The following SLCO3A1 variants were observed in gnomAD, a reference collection of about 807,000 sequenced individuals.
SLCO3A1 encodes the protein PGE1 transporter.
In SLCO3A1, 27 loss-of-function variants were observed where a neutral mutation model predicts 63.1. The ratio of observed to expected loss-of-function variants is 0.43; its 90% confidence interval spans 0.32 to 0.59. The LOEUF (loss-of-function observed/expected upper bound fraction) is 0.59, where lower values mean the gene tolerates loss of function less well. Ranked by LOEUF, SLCO3A1 falls within the 20% of genes least tolerant of loss-of-function variation. The pLI is 0.09. For missense variants in SLCO3A1, 773 were observed against 945.8 expected, an observed-to-expected ratio of 0.82 and a Z score of 2.40; for synonymous variants, 473 against 409.9, an observed-to-expected ratio of 1.15 and a Z score of -1.86.
intron 2 of SLCO3A1, among the ~76,000 whole-genome samples, chr15:92,078,470 C>T (rs1596080316): frequency 6.6e-6 from 1 of 152,232 alleles, no homozygotes; most frequent in South Asian, 2.1e-4. Context: ...GGCGCACCTC[C>T]GCGGGCAGCT....
At chr15:91,924,034 G>T (rs570378416) in intron 2 of SLCO3A1, among the ~76,000 whole-genome samples, 13 of 152,226 alleles carry the variant, frequency 8.5e-5, no homozygotes, top group Non-Finnish European at 1.8e-4. Context: ...CAGCCCCCTG[G>T]CCCTGCGGTG....
intron 2 of SLCO3A1, among the ~76,000 whole-genome samples, chr15:92,038,020 A>G (rs867357690): frequency 2.4e-4 from 37 of 152,330 alleles, no homozygotes; most frequent in African/African-American, 8.2e-4. Context: ...TGTGCTCCTT[A>G]CTAAAATGAT....
chr15:91,902,428 A>G (rs9972366), intron 1 of SLCO3A1, among the ~76,000 whole-genome samples: 45,327 of 151,492 alleles, frequency 0.3, 7,844 homozygotes, highest in East Asian at 0.7. Flanking sequence ...TCCGTTTAAA[A>G]TTCTGTTTAG....
rs1200586982 is a variant in SLCO3A1 at position 91,966,115 on chromosome 15, C to G, written c.646+49657C>G. 3.3e-5 allele frequency among the ~76,000 whole-genome samples: 5 copies of G among 152,166 alleles called. No homozygotes were observed. In the East Asian group the frequency reaches 5.8e-4, roughly 18 times the overall value. ...TGTGCCCAGCGAATTATGGGCAGCT[C>G]TGATCTGAAGTAACAAGGTTGAGTC... is the stretch of plus-strand genomic sequence containing the variant. On this transcript the variant is annotated intron_variant, in intron 2 of 9. Coordinates refer to ENST00000318445, the MANE Select transcript of SLCO3A1 (RefSeq NM_013272.4).
chr15:92,026,366 T>C (rs1051013416), intron 2 of SLCO3A1, among the ~76,000 whole-genome samples: 5 of 152,228 alleles, frequency 3.3e-5, no homozygotes, highest in African/African-American at 9.6e-5. Context: ...AAGAAGTTTC[T>C]CACTAAGGAG....
Position 91,885,509 on chromosome 15 carries a change from G to T in SLCO3A1, c.181-30484G>T, listed in dbSNP as rs1231124106. Among the ~76,000 whole-genome samples the T allele has an allele frequency of 2.0e-5, 3 of 152,218 alleles. No individual in the cohort carries two copies. Among genetic ancestry groups the T allele is most frequent in the African/African-American group, 4.8e-5 (2 of 41,460 alleles). On this transcript the variant is annotated intron_variant, in intron 1 of 9. Coordinates refer to ENST00000318445, the MANE Select transcript of SLCO3A1 (RefSeq NM_013272.4). This position sits in a 1 kb window ranked among gnomAD's most constrained non-coding sequence, Gnocchi z 4.7. Reference sequence around the variant, plus strand: ...TCACAAATCATACATTACAGGAAAAGGGAGCCCTTTGCTGCTGGGCAGCGG... The same window carrying T: ...TCACAAATCATACATTACAGGAAAATGGAGCCCTTTGCTGCTGGGCAGCGG...
At chr15:91,895,707 A>G (rs1234899275) in intron 1 of SLCO3A1, among the ~76,000 whole-genome samples, 1 of 152,222 alleles carries the variant, frequency 6.6e-6, no homozygotes, top group Non-Finnish European at 1.5e-5. Flanking sequence ...GACTTCCTCC[A>G]GCCTAAACAC....
intron 2 of SLCO3A1, among the ~76,000 whole-genome samples, chr15:91,963,703 G>A (rs1015488939): frequency 1.3e-5 from 2 of 152,046 alleles, no homozygotes; most frequent in Non-Finnish European, 2.9e-5. Flanking sequence ...GATGTGTCAG[G>A]AGTTTCTTCC....
At chr15:91,914,567 CTTT>C (rs556314311) in intron 1 of SLCO3A1, among the ~76,000 whole-genome samples, 9 of 122,262 alleles carry the variant, frequency 7.4e-5, no homozygotes, top group Admixed American at 9.0e-5. Context: ...TATTTTCTTC[CTTT>C]TTTTTTTTTT....
rs80007424 is a variant in SLCO3A1, at chr15:92,126,740, G to A, written c.1373+481G>A. On this transcript the variant is annotated intron_variant, in intron 6 of 9. Coordinates refer to ENST00000318445, the MANE Select transcript of SLCO3A1 (RefSeq NM_013272.4). The stretch of plus-strand genomic sequence containing the variant: ...AAAAGGGAGGGAGGAAGAGAAGGAA[G>A]TTAGTTCTCATAGGACCACTTTTCT... Among the ~76,000 whole-genome samples, 1,416 of 152,290 alleles carry A rather than the reference G, an allele frequency of 9.3e-3. 12 individuals are homozygous for A. The highest frequency in any genetic ancestry group is 0.016 in the Non-Finnish European group (1,084 of 68,016).
At chr15:91,945,195 A>T (rs1225772274) in intron 2 of SLCO3A1, among the ~76,000 whole-genome samples, 2 of 152,084 alleles carry the variant, frequency 1.3e-5, no homozygotes, top group Non-Finnish European at 2.9e-5. Flanking sequence ...TACAAAAATT[A>T]GCTGGGCATG....
chr15:92,110,993 C>T (rs1435267133), intron 4 of SLCO3A1, among the ~76,000 whole-genome samples: 1 of 152,176 alleles, frequency 6.6e-6, no homozygotes, highest in African/African-American at 2.4e-5. Context: ...GATGTGCCAG[C>T]CCTGGTGCCA....
intron 2 of SLCO3A1, among the ~76,000 whole-genome samples, chr15:92,065,899 G>GA (rs1233825439): frequency 2.0e-5 from 3 of 152,128 alleles, no homozygotes; most frequent in Non-Finnish European, 4.4e-5. Flanking sequence ...AAGTTTAAAA[G>GA]AAAAAAGGTT....
At position 91,865,310 on chromosome 15, in the gene SLCO3A1, T is replaced by C. The variant is rs2141846046; in HGVS notation, c.180+11222T>C. Among the ~76,000 whole-genome samples, 1 of 152,278 alleles carries C rather than the reference T, an allele frequency of 6.6e-6. No homozygotes were observed. Among genetic ancestry groups the C allele is most frequent in the South Asian group, 2.1e-4 (1 of 4,824 alleles). ...CAATATCTCAGATGCTAGACCAAAA[T>C]TGGGTCATATTATAAGTGAGAAAGT... On this transcript the variant is annotated intron_variant, in intron 1 of 9. Transcript: ENST00000318445. This position sits in a 1 kb window ranked among gnomAD's most constrained non-coding sequence, Gnocchi z 4.6.
chr15:91,877,719 G>A (rs548488711), intron 1 of SLCO3A1, among the ~76,000 whole-genome samples: 1 of 152,108 alleles, frequency 6.6e-6, no homozygotes, highest in Non-Finnish European at 1.5e-5. Flanking sequence ...TGAAGGCTAG[G>A]CTCAATCTAG....
At chr15:91,956,228 G>A (rs978017800) in intron 2 of SLCO3A1, among the ~76,000 whole-genome samples, 1 of 152,160 alleles carries the variant, frequency 6.6e-6, no homozygotes, top group Non-Finnish European at 1.5e-5. Flanking sequence ...AGAATTCCCT[G>A]GTGGCTTCTC....
At chr15:92,007,051 AT>A (rs1365784626) in intron 2 of SLCO3A1, among the ~76,000 whole-genome samples, 6 of 152,270 alleles carry the variant, frequency 3.9e-5, no homozygotes, top group African/African-American at 1.2e-4. Flanking sequence ...ACTCACATGC[AT>A]TGCACAACAG....
chr15:92,115,379 A>G (rs1014133032), intron 4 of SLCO3A1, among the ~76,000 whole-genome samples: 1 of 152,082 alleles, frequency 6.6e-6, no homozygotes, highest in Non-Finnish European at 1.5e-5. Context: ...AGCAGCGCAC[A>G]CAGATACATC....
chr15:92,034,290 A>C (rs950189760), intron 2 of SLCO3A1, among the ~76,000 whole-genome samples: 1 of 151,230 alleles, frequency 6.6e-6, no homozygotes, highest in African/African-American at 2.4e-5. Context: ...GTCCAGCATG[A>C]CCTGAGTAAC....
Sources: gnomAD v4.1 joint callset for allele counts (sites outside exome capture counted in the v4.1 genomes callset) on GRCh38, gnomAD v4.1.1 for gene constraint, Gnocchi (gnomAD v3.1) non-coding constraint, MANE v1.5 for transcripts, NCBI Gene and HGNC (gene_info 2026-07-23, HGNC 2026-07-21) for gene names.